MAPK8IP1: variants seen among roughly 807,000 people sequenced by gnomAD.
The protein encoded by MAPK8IP1 is mitogen-activated protein kinase 8 interacting protein 1.
MAPK8IP1 carries 17 observed loss-of-function variants against 72.6 expected under a neutral mutation model. The observed-to-expected ratio is 0.23, with a 90% confidence interval of 0.16 to 0.35. MAPK8IP1 has a LOEUF of 0.35. Among genes scored for constraint, MAPK8IP1 ranks in the 10% least tolerant of loss-of-function variants. The pLI is 1.00. For synonymous variants in MAPK8IP1, 401 were observed against 443.4 expected, an observed-to-expected ratio of 0.90 and a Z score of 1.20; for missense variants, 789 against 1,009.7, an observed-to-expected ratio of 0.78 and a Z score of 2.96.
intron 2 of MAPK8IP1, among the ~76,000 whole-genome samples, chr11:45,899,429 C>G (rs1483787439): frequency 6.6e-6 from 1 of 152,224 alleles, no homozygotes; most frequent in Non-Finnish European, 1.5e-5. Context: ...GGCTGGGAGG[C>G]AGTAGTGTTA....
At chr11:45,905,373 G>A (rs553215471) in intron 11 of MAPK8IP1, 124 bp downstream of exon 11, 24 of 954,234 alleles carry the variant, frequency 2.5e-5, no homozygotes, top group Admixed American at 1.4e-4. Context: ...AACTATCTCC[G>A]GACCCCAGTG....
At position 45,905,245 on chromosome 11, in the gene MAPK8IP1, G is replaced by T; in HGVS notation, c.2059G>T (p.Val687Leu). The change falls in exon 11 of 12, where the codon GTG (valine) becomes TTG (leucine). Residue 687 changes from valine (V) to leucine (L), a missense_variant. By Grantham distance (32) the Val-to-Leu change is conservative. Around this residue, in one of 4 missense-constraint regions of MAPK8IP1, gnomAD observed 188 missense variants for 293.3 expected, o/e 0.64. Transcript: ENST00000241014. ...EDSTKALAESVGRAFQQFYKQ... is the reference protein window; with the variant it reads ...EDSTKALAESLGRAFQQFYKQ... ...CTCCACCAAAGCCCTGGCAGAGTCC[G>T]TGGGGTACGTGTACACCCTGCTGAG... 6.2e-7 allele frequency: 1 copy of T among 1,611,504 alleles called. No homozygotes were observed. Among genetic ancestry groups the T allele is most frequent in the Non-Finnish European group, 8.5e-7 (1 of 1,179,798 alleles).
At chr11:45,896,261 C>G (rs774581105) in intron 1 of MAPK8IP1, among the ~76,000 whole-genome samples, 8 of 152,246 alleles carry the variant, frequency 5.3e-5, no homozygotes, top group Non-Finnish European at 1.2e-4. Context: ...CCAGATCAAA[C>G]CCAGTTTGGA....
At position 45,902,200 on chromosome 11, in the gene MAPK8IP1, G is replaced by A. The variant is rs140367681; in HGVS notation, c.604+139G>A. ...CACATCCCTGCACGAGCCCATCCAG[G>A]GGCTGAGATCAGTGGTGGCATGAGT... On this transcript the variant is annotated intron_variant, in intron 4 of 11. Coordinates refer to ENST00000241014, the MANE Select transcript of MAPK8IP1 (RefSeq NM_005456.4). This position sits in a 1 kb window ranked among gnomAD's most constrained non-coding sequence, Gnocchi z 9.3. The A allele has an allele frequency of 1.7e-3, 1,693 of 1,002,862 alleles. 6 individuals are homozygous for A. Among genetic ancestry groups the A allele is most frequent in the Middle Eastern group, 3.7e-3 (18 of 4,890 alleles). The allele number at this position is 1,002,862 out of a possible 1,614,324, so 62.1% of individuals were successfully genotyped here.
chr11:45,891,215 C>T (rs1036999593), intron 1 of MAPK8IP1, among the ~76,000 whole-genome samples: 1 of 152,206 alleles, frequency 6.6e-6, no homozygotes, highest in South Asian at 2.1e-4. Context: ...CCCCATGGTT[C>T]CCACAAATTG....
intron 1 of MAPK8IP1, among the ~76,000 whole-genome samples, chr11:45,895,612 G>C (rs1345299700): frequency 7.1e-5 from 8 of 112,032 alleles, no homozygotes; most frequent in Non-Finnish European, 1.2e-4. Context: ...AGAGCGAAAG[G>C]CCGTCTCAAA....
In MAPK8IP1 at chr11:45,906,077, C is replaced by G; in HGVS notation, c.*356C>G. 2.2e-6 allele frequency: 1 copy of G among 456,624 alleles called. No individual in the cohort carries two copies. Among genetic ancestry groups the G allele is most frequent in the East Asian group, 4.1e-5 (1 of 24,194 alleles). 28.3% of individuals were successfully genotyped at this position (456,624 alleles called of 1,614,324 possible). A position where few individuals can be genotyped will look rare whatever the true frequency, so the allele number is the denominator to read the frequency against. ...CTGCCAGGGCTCGGGCGCTGTGGCT[C>G]CTGCCTTGATGAAGCCCGTGTCCTG... On this transcript the variant is annotated 3_prime_UTR_variant, in exon 12 of 12. Coordinates refer to ENST00000241014, the MANE Select transcript of MAPK8IP1 (RefSeq NM_005456.4).
At chr11:45,892,120 G>A (rs1590782714) in intron 1 of MAPK8IP1, among the ~76,000 whole-genome samples, 2 of 152,312 alleles carry the variant, frequency 1.3e-5, no homozygotes, top group South Asian at 2.1e-4. Context: ...AGGTGGTCAG[G>A]AAGGGAATTC....
chr11:45,905,053 T>C lies in MAPK8IP1; in HGVS notation c.1964+12T>C, dbSNP rs778768288. ...CCAAAGAACAACAAGTAAGTGGGGG[T>C]GGGATGGCAGTGGAGGAGGCACGGG... On this transcript the variant is annotated intron_variant, in intron 10 of 11. Transcript: ENST00000241014. The C allele has an allele frequency of 2.0e-5, 33 of 1,613,410 alleles. No individual in the cohort carries two copies. In the African/African-American group the frequency reaches 2.8e-4, roughly 14 times the overall value.
At chr11:45,891,203 GC>G (rs949450510) in intron 1 of MAPK8IP1, among the ~76,000 whole-genome samples, 5 of 152,288 alleles carry the variant, frequency 3.3e-5, no homozygotes, top group African/African-American at 1.2e-4. Flanking sequence ...CTAGCTTGGG[GC>G]CCCCATGGTT....
chr11:45,902,099 T>C lies in MAPK8IP1; in HGVS notation c.604+38T>C. ...CCTCTTCCTTACCTGGACCTCCGCC[T>C]GCCCTGACTCAGTCCCCACTACAGA... is the stretch of plus-strand genomic sequence containing the variant. On this transcript the variant is annotated intron_variant, in intron 4 of 11. Coordinates refer to ENST00000241014, the MANE Select transcript of MAPK8IP1 (RefSeq NM_005456.4). The surrounding 1 kb of genome is among the most constrained non-coding windows in gnomAD (Gnocchi z 9.3). 1 of 1,557,062 alleles carries C rather than the reference T, an allele frequency of 6.4e-7. No homozygotes were observed.
intron 1 of MAPK8IP1, among the ~76,000 whole-genome samples, chr11:45,895,696 G>A (rs1306780876): frequency 1.3e-5 from 2 of 150,144 alleles, no homozygotes; most frequent in African/African-American, 4.9e-5. Context: ...GGGCATTTCA[G>A]GGCACCTCTG....
Position 45,902,913 on chromosome 11 carries a change from G to A in MAPK8IP1, c.1146G>A (p.Thr382=), listed in dbSNP as rs779380245. Residue 382 remains threonine, a synonymous_variant, in exon 5 of 12, where the codon ACG becomes ACA. Coordinates refer to ENST00000241014, the MANE Select transcript of MAPK8IP1 (RefSeq NM_005456.4). This position sits in a 1 kb window ranked among gnomAD's most constrained non-coding sequence, Gnocchi z 9.3. ...TGTCCTATGACTCTGTCAAGTACACGCTGGTGGTAGATGAGCATGCACAGC... is the reference window on the plus strand; with the variant it reads ...TGTCCTATGACTCTGTCAAGTACACACTGGTGGTAGATGAGCATGCACAGC... The part of the protein sequence containing the change: ...SALSYDSVKY[T]LVVDEHAQLE... 1.9e-5 allele frequency: 30 copies of A among 1,609,434 alleles called. No individual in the cohort carries two copies. The highest frequency in any genetic ancestry group is 6.7e-5 in the African/African-American group (5 of 74,836).
intron 1 of MAPK8IP1, among the ~76,000 whole-genome samples, chr11:45,892,493 G>A (rs1000447): frequency 7.3e-5 from 11 of 151,086 alleles, no homozygotes; most frequent in Admixed American, 3.3e-4. Flanking sequence ...AGGCCACCGC[G>A]GGCCGCATAA....
At chr11:45,905,555 G>GC (rs1434900635) in intron 11 of MAPK8IP1, 94 bp from the exon 12 acceptor site, 9 of 1,131,038 alleles carry the variant, frequency 8.0e-6, no homozygotes, top group African/African-American at 1.5e-5. Flanking sequence ...CTGCACTTGG[G>GC]CCCCAAGGCT....
intron 1 of MAPK8IP1, 38 bp downstream of exon 1, chr11:45,885,959 CG>C (rs2086523821): frequency 1.5e-6 from 2 of 1,363,246 alleles, no homozygotes; most frequent in East Asian, 3.1e-5. Flanking sequence ...CGCCCTTCAG[CG>C]GGGACTGATC....
At chr11:45,896,200 C>G (rs1004554286) in intron 1 of MAPK8IP1, among the ~76,000 whole-genome samples, 2 of 152,268 alleles carry the variant, frequency 1.3e-5, no homozygotes, top group Non-Finnish European at 1.5e-5. Context: ...TCCATAGGCC[C>G]TGCCTTCCTG....
At chr11:45,897,255 G>A (rs976279635) in intron 1 of MAPK8IP1, among the ~76,000 whole-genome samples, 4 of 151,810 alleles carry the variant, frequency 2.6e-5, no homozygotes, top group Non-Finnish European at 4.4e-5. Context: ...GTGAGCAAGA[G>A]ACAGGCTGCC....
intron 3 of MAPK8IP1, among the ~76,000 whole-genome samples, chr11:45,901,299 C>T (rs1337685453): frequency 5.3e-5 from 8 of 151,996 alleles, no homozygotes; most frequent in Admixed American, 5.2e-4. Context: ...GGAGGGGTCC[C>T]AGGGCTGAGA....
Sources: gnomAD v4.1 joint callset for allele counts (sites outside exome capture counted in the v4.1 genomes callset) on GRCh38, gnomAD v4.1.1 for gene constraint, gnomAD v4.1.1 regional missense constraint, Gnocchi (gnomAD v3.1) non-coding constraint, MANE v1.5 for transcripts, NCBI Gene and HGNC (gene_info 2026-07-23, HGNC 2026-07-21) for gene names.